The following ZFP91 variants were observed in gnomAD, a reference collection of about 807,000 sequenced individuals.
ZFP91 encodes the protein E3 ubiquitin-protein ligase ZFP91.
A neutral mutation model predicts 63.5 loss-of-function variants in ZFP91; 7 were observed. The ratio of observed to expected loss-of-function variants is 0.11; its 90% CI spans 0.06 to 0.21. The LOEUF is 0.21. Among genes scored for constraint, ZFP91 ranks in the 10% least tolerant of loss-of-function variants. The probability of loss-of-function intolerance (pLI) is 1.00; values close to 1 mark genes in which losing one functional copy is unlikely to be tolerated. For missense variants in ZFP91, 628 were observed against 736.6 expected, an observed-to-expected ratio of 0.85 and a Z score of 1.71; for synonymous variants, 330 against 272.1, an observed-to-expected ratio of 1.21 and a Z score of -2.10.
chr11:58,584,897 C>A lies in ZFP91; in HGVS notation c.370+13C>A. The A allele has an allele frequency of 6.6e-7, 1 of 1,514,494 alleles. No homozygotes were observed. The highest frequency in any genetic ancestry group is 1.4e-5 in the South Asian group (1 of 73,280). 93.8% of individuals were successfully genotyped at this position (1,514,494 alleles called of 1,614,324 possible). A position where few individuals can be genotyped will look rare whatever the true frequency, so the allele number is the denominator to read the frequency against. ...ACAACTGATAAAGGTAAGACTTGGT[C>A]ATCCTTACCTCTAGCGTACATTACA... On this transcript the variant is annotated intron_variant, in intron 2 of 10. Transcript: ENST00000316059.
chr11:58,583,239 CA>C (rs1284574238), intron 1 of ZFP91, among the ~76,000 whole-genome samples: 3 of 151,994 alleles, frequency 2.0e-5, no homozygotes, highest in Non-Finnish European at 4.4e-5. Flanking sequence ...CTGTGCATTT[CA>C]AAACTTAAAA....
intron 2 of ZFP91, among the ~76,000 whole-genome samples, chr11:58,602,048 G>A (rs922776623): frequency 2.0e-5 from 3 of 151,800 alleles, no homozygotes; most frequent in Non-Finnish European, 4.4e-5. Context: ...CAGCGTCCTC[G>A]AGTAGCTGGG....
intron 7 of ZFP91, 26 bp downstream of exon 7, chr11:58,612,354 T>C (rs977274923): frequency 6.2e-7 from 1 of 1,610,568 alleles, no homozygotes; most frequent in Admixed American, 1.7e-5. Flanking sequence ...CCCTACTGTT[T>C]TACACCTTAT....
intron 2 of ZFP91, among the ~76,000 whole-genome samples, chr11:58,606,209 G>A (rs142143480): frequency 2.6e-5 from 4 of 152,176 alleles, no homozygotes; most frequent in African/African-American, 9.6e-5. Flanking sequence ...ATACAGGGAT[G>A]CGCTGCTACA....
chr11:58,609,009 A>G (rs1278492674), intron 2 of ZFP91, among the ~76,000 whole-genome samples: 1 of 152,048 alleles, frequency 6.6e-6, no homozygotes, highest in Non-Finnish European at 1.5e-5. Flanking sequence ...ATTTTGTTTT[A>G]TTATTGGGCC....
chr11:58,604,434 T>C (rs1434113785), intron 2 of ZFP91, among the ~76,000 whole-genome samples: 3 of 152,184 alleles, frequency 2.0e-5, no homozygotes, highest in Admixed American at 6.5e-5. Context: ...TGGTCTGTTA[T>C]TGTGTTGATT....
chr11:58,611,416 A>G (rs1431579706), intron 5 of ZFP91, 188 bp from the exon 6 acceptor site: 3 of 737,126 alleles, frequency 4.1e-6, no homozygotes, highest in Non-Finnish European at 6.4e-6. Context: ...GGTTCATTCC[A>G]TGAGCAACAT....
chr11:58,612,625 C>T (rs377410753), intron 7 of ZFP91, 137 bp from the exon 8 acceptor site: 8 of 674,422 alleles, frequency 1.2e-5, no homozygotes, highest in East Asian at 8.1e-5. Context: ...TCTGTGTAAT[C>T]TGTATAGTAG....
At chr11:58,613,312 T>A (rs1855696708) in intron 8 of ZFP91, among the ~76,000 whole-genome samples, 1 of 152,154 alleles carries the variant, frequency 6.6e-6, no homozygotes, top group Admixed American at 6.6e-5. Flanking sequence ...TTGAACTTGC[T>A]TTTGTAACAA....
chr11:58,600,209 T>C (rs1855470558), intron 2 of ZFP91, among the ~76,000 whole-genome samples: 1 of 151,784 alleles, frequency 6.6e-6, no homozygotes, highest in South Asian at 2.1e-4. Context: ...GATTGGGTTG[T>C]CAATTTCTAC....
chr11:58,601,609 A>AT (rs1236670108), intron 2 of ZFP91, among the ~76,000 whole-genome samples: 3,693 of 141,646 alleles, frequency 0.026, 112 homozygotes, highest in African/African-American at 0.067. Flanking sequence ...CAGGCATGTG[A>AT]TTTTTTTTTT....
At position 58,612,260 on chromosome 11, in the gene ZFP91, C is replaced by G. The variant is rs745673709; in HGVS notation, c.858-18C>G. 2 of 1,612,646 alleles carry G rather than the reference C, an allele frequency of 1.2e-6. No homozygotes were observed. The highest frequency in any genetic ancestry group is 4.5e-5 in the East Asian group (2 of 44,826). ...TTGATTCAGAATATGTCTACTGTTA[C>G]CCTGTCTTCAATTACAGGAGAGGAA... On this transcript the variant is annotated intron_variant, in intron 6 of 10. Coordinates refer to ENST00000316059, the MANE Select transcript of ZFP91 (RefSeq NM_053023.5).
chr11:58,611,858 CT>C, intron 6 of ZFP91, 120 bp downstream of exon 6: 1 of 1,314,540 alleles, frequency 7.6e-7, no homozygotes, highest in Non-Finnish European at 1.0e-6. Context: ...TATTTTTTAA[CT>C]TAAAAAAATT....
chr11:58,616,697 C>T lies in ZFP91; in HGVS notation c.1103-19C>T, dbSNP rs1311895957. ...CAGGGTATCTAAATAGAACACTAAC[C>T]ACAGTATTTTCTTCATAGATCAAAG... On this transcript the variant is annotated intron_variant, in intron 9 of 10. Transcript: ENST00000316059. 1.2e-6 allele frequency: 2 copies of T among 1,603,788 alleles called. No individual in the cohort carries two copies. Among genetic ancestry groups the T allele is most frequent in the Non-Finnish European group, 1.7e-6 (2 of 1,171,392 alleles).
At chr11:58,594,023 C>G (rs1855353448) in intron 2 of ZFP91, among the ~76,000 whole-genome samples, 1 of 152,114 alleles carries the variant, frequency 6.6e-6, no homozygotes, top group Admixed American at 6.6e-5. Context: ...AGCTGGTTAC[C>G]TAGCATCTAC....
At chr11:58,581,665 G>T (rs1250947116) in intron 1 of ZFP91, among the ~76,000 whole-genome samples, 10 of 152,150 alleles carry the variant, frequency 6.6e-5, no homozygotes, top group Non-Finnish European at 1.3e-4. Context: ...CCAGCCTGCT[G>T]TTTAATTTTT....
At chr11:58,599,096 G>A (rs1855452819) in intron 2 of ZFP91, among the ~76,000 whole-genome samples, 1 of 151,050 alleles carries the variant, frequency 6.6e-6, no homozygotes, top group Admixed American at 6.6e-5. Context: ...CTATCATATA[G>A]CATATTTTTA....
chr11:58,590,888 A>G (rs550877558), intron 2 of ZFP91, among the ~76,000 whole-genome samples: 231 of 151,442 alleles, frequency 1.5e-3, no homozygotes, highest in African/African-American at 4.8e-3. Context: ...ACCTAACTGA[A>G]GGGCATTTGA....
chr11:58,579,115 TG>T lies in ZFP91; in HGVS notation c.-159del, dbSNP rs1271675063. On this transcript the variant is annotated 5_prime_UTR_variant, in exon 1 of 11. Coordinates refer to ENST00000316059, the MANE Select transcript of ZFP91 (RefSeq NM_053023.5). ...GTAGCGGACCTTGAGTGGCAGGGGGTGGGGGGGGCGCCCTCGGAGCCGGGCG... is the reference window on the plus strand; with the variant it reads ...GTAGCGGACCTTGAGTGGCAGGGGGTGGGGGGGCGCCCTCGGAGCCGGGCG... 996 of 254,384 alleles carry T rather than the reference TG, an allele frequency of 3.9e-3. 2 individuals are homozygous for T. Among genetic ancestry groups the T allele is most frequent in the African/African-American group, 4.5e-3 (43 of 9,630 alleles). The allele number at this position is 254,384 out of a possible 1,614,324, so 15.8% of individuals were successfully genotyped here. A position where few individuals can be genotyped will look rare whatever the true frequency, so the allele number is the denominator to read the frequency against.
Sources: allele counts gnomAD v4.1 joint callset (sites outside exome capture counted in the v4.1 genomes callset), GRCh38; gene constraint gnomAD v4.1.1; transcripts MANE v1.5; gene names NCBI Gene and HGNC (gene_info 2026-07-23, HGNC 2026-07-21).